Variants in SEMA4B observed in about 807,000 individuals in gnomAD.
The protein encoded by SEMA4B is semaphorin 4B.
In SEMA4B, 55 loss-of-function variants were observed where a neutral mutation model predicts 88.1. That is an observed-to-expected ratio of 0.62 (90% CI 0.50 to 0.78). The LOEUF (loss-of-function observed/expected upper bound fraction) is 0.78. Ranked by LOEUF, SEMA4B falls within the 30% of genes least tolerant of loss-of-function variation. The pLI is 0.00. For synonymous variants in SEMA4B, 525 were observed against 473.6 expected (o/e 1.11, Z -1.41); for missense variants, 1,062 against 1,111.9 (o/e 0.96, Z 0.64).
At chr15:90,225,456 C>T (rs905586637) in intron 11 of SEMA4B, 59 bp downstream of exon 11, 1 of 1,445,696 alleles carries the variant, frequency 6.9e-7, no homozygotes, top group African/African-American at 1.4e-5. Flanking sequence ...CCATTAGCAC[C>T]AAGCAGTCCC....
intron 1 of SEMA4B, among the ~76,000 whole-genome samples, chr15:90,206,051 C>T (rs886208453): frequency 6.6e-6 from 1 of 152,176 alleles, no homozygotes; most frequent in African/African-American, 2.4e-5. Context: ...GCTAAACTTG[C>T]ACAACTTTTG....
chr15:90,189,847 G>C (rs920003133), intron 1 of SEMA4B, among the ~76,000 whole-genome samples: 1 of 152,198 alleles, frequency 6.6e-6, no homozygotes, highest in Non-Finnish European at 1.5e-5. Flanking sequence ...AAGCCCACCC[G>C]TGTGGTGAAG....
chr15:90,192,262 C>T (rs1283569292), intron 1 of SEMA4B, among the ~76,000 whole-genome samples: 1 of 152,240 alleles, frequency 6.6e-6, no homozygotes, highest in African/African-American at 2.4e-5. Flanking sequence ...GCAAACAAAG[C>T]AACAACTCCC....
upstream of SEMA4B, chr15:90,201,324 T>G: frequency 2.6e-6 from 3 of 1,175,848 alleles, no homozygotes; most frequent in Non-Finnish European, 3.2e-6. Flanking sequence ...AGCCCCGCCC[T>G]CCGCCGCTTG....
chr15:90,229,597 T>C lies in SEMA4B; in HGVS notation c.*954T>C, dbSNP rs1323749848. ...GGGCCCTGAATTTATGTGGTTTTTA[T>C]ACATTTTTTAATAAGATGCACTTTA... On this transcript the variant is annotated 3_prime_UTR_variant, in exon 14 of 14. Transcript: ENST00000411539. 1 of 339,364 alleles carries C rather than the reference T, an allele frequency of 2.9e-6. No homozygotes were observed. Among genetic ancestry groups the C allele is most frequent in the Admixed American group, 4.3e-5 (1 of 23,512 alleles). The allele number at this position is 339,364 out of a possible 1,614,324, so 21.0% of individuals were successfully genotyped here. A position where few individuals can be genotyped will look rare whatever the true frequency, so the allele number is the denominator to read the frequency against.
At chr15:90,213,254 A>G (rs1288480815) in intron 1 of SEMA4B, among the ~76,000 whole-genome samples, 1 of 152,198 alleles carries the variant, frequency 6.6e-6, no homozygotes. Flanking sequence ...GCACACAGCC[A>G]GTAAGTGGTA....
At chr15:90,198,764 T>C (rs1342846400), upstream of SEMA4B, among the ~76,000 whole-genome samples, 5 of 152,206 alleles carry the variant, frequency 3.3e-5, no homozygotes, top group Middle Eastern at 3.4e-3. Context: ...GTGGTGAGGA[T>C]GACATGGAGG....
intron 1 of SEMA4B, among the ~76,000 whole-genome samples, chr15:90,186,704 G>A (rs182202642): frequency 2.0e-4 from 31 of 152,272 alleles, no homozygotes; most frequent in African/African-American, 7.0e-4. Flanking sequence ...TTGGGAGGCC[G>A]AGATGGGCGG....
intron 4 of SEMA4B, chr15:90,220,349 C>A (rs1025287400): frequency 2.7e-5 from 4 of 150,596 alleles, no homozygotes; most frequent in Non-Finnish European, 4.3e-5. Flanking sequence ...CATTTTATTT[C>A]TTTTTTCTTT....
intron 9 of SEMA4B, among the ~76,000 whole-genome samples, chr15:90,224,611 T>G (rs1263956513): frequency 3.3e-5 from 5 of 152,176 alleles, no homozygotes; most frequent in African/African-American, 1.2e-4. Flanking sequence ...AGGAAAGAAC[T>G]GCCGACTGCA....
chr15:90,205,697 G>C lies in SEMA4B; in HGVS notation c.157+3962G>C, dbSNP rs142894051. On this transcript the variant is annotated intron_variant, in intron 1 of 13. Transcript: ENST00000411539. ...GTGCTAGAAACCCCCTGCCAGCCTT[G>C]CTTGGTGAGGTTATTTGCATCCATT... Among the ~76,000 whole-genome samples the C allele has an allele frequency of 3.5e-4, 53 of 152,332 alleles. 1 individual carries two copies. The East Asian group carries it at 8.5e-3, about 24-fold the overall frequency.
At chr15:90,185,023 T>G (rs1356602123) in exon 1 of SEMA4B, 1 of 985,314 alleles carries the variant, frequency 1.0e-6, no homozygotes, top group Non-Finnish European at 1.2e-6. Context: ...CAGTGGACAC[T>G]CCAGGAAGAG....
At chr15:90,187,038 G>A (rs1405060815) in intron 1 of SEMA4B, among the ~76,000 whole-genome samples, 1 of 152,294 alleles carries the variant, frequency 6.6e-6, no homozygotes, top group South Asian at 2.1e-4. Flanking sequence ...CTTGTGCCTT[G>A]GGGAGAGCTG....
rs564695227 is a variant in SEMA4B, at chr15:90,211,711, G to A, written c.158-5728G>A. 7.2e-4 allele frequency among the ~76,000 whole-genome samples: 109 copies of A among 152,316 alleles called. 2 individuals are homozygous for A. In the South Asian group the frequency reaches 0.021, roughly 30 times the overall value. ...GACTTATCGTGACATCCCTGGGGAC[G>A]AAGGGCTACAACAGCCTTTCAGGAG... is the stretch of plus-strand genomic sequence containing the variant. On this transcript the variant is annotated intron_variant, in intron 1 of 13. Transcript: ENST00000411539.
Position 90,224,956 on chromosome 15 carries a change from T to C in SEMA4B, c.1195-12T>C. ...GGTGTGGCTGGCCTCACACTGCTGC[T>C]TTCTCCTCCAGTGCATCACCAACAG... On this transcript the variant is annotated splice_polypyrimidine_tract_variant and intron_variant, in intron 9 of 13. Coordinates refer to ENST00000411539, the MANE Select transcript of SEMA4B (RefSeq NM_198925.4). 6.2e-7 allele frequency: 1 copy of C among 1,612,808 alleles called. No homozygotes were observed. Among genetic ancestry groups the C allele is most frequent in the Non-Finnish European group, 8.5e-7 (1 of 1,178,956 alleles).
At chr15:90,201,218 G>C (rs1330192005), upstream of SEMA4B, 2 of 726,904 alleles carry the variant, frequency 2.8e-6, no homozygotes, top group Non-Finnish European at 3.4e-6. Flanking sequence ...CCCTGCGGCA[G>C]CGCCCCGAGC....
upstream of SEMA4B, among the ~76,000 whole-genome samples, chr15:90,199,083 A>C (rs953990277): frequency 6.6e-6 from 1 of 152,174 alleles, no homozygotes; most frequent in African/African-American, 2.4e-5. Flanking sequence ...CATGTTGGCC[A>C]GGCTGGTCTT....
At chr15:90,211,180 C>A (rs546343627) in intron 1 of SEMA4B, among the ~76,000 whole-genome samples, 1 of 152,186 alleles carries the variant, frequency 6.6e-6, no homozygotes, top group South Asian at 2.1e-4. Context: ...CCTGTGTAGA[C>A]CTGTGAGCAG....
chr15:90,220,182 C>A, intron 4 of SEMA4B: 1 of 367,052 alleles, frequency 2.7e-6, no homozygotes, highest in Non-Finnish European at 5.0e-6. Flanking sequence ...GCATCTCTCC[C>A]TCTCCTTTGC....
Sources: allele counts gnomAD v4.1 joint callset (sites outside exome capture counted in the v4.1 genomes callset), GRCh38; gene constraint gnomAD v4.1.1; transcripts MANE v1.5; gene names NCBI Gene and HGNC (gene_info 2026-07-23, HGNC 2026-07-21).